The following CDH23 variants were observed in gnomAD, a reference collection of about 807,000 sequenced individuals.
The protein encoded by CDH23 is cadherin-23.
Under a neutral mutation model 317.1 loss-of-function variants are expected in CDH23, and 189 were observed. The observed-to-expected ratio is 0.60, with a 90% CI of 0.53 to 0.67. The LOEUF is 0.67. CDH23 is among the 30% of genes least tolerant of loss of function. The pLI is 0.00. For synonymous variants in CDH23, 1,839 were observed against 1,876.8 expected, an observed-to-expected ratio of 0.98 and a Z score of 0.52; for missense variants, 4,401 against 4,592.4, an observed-to-expected ratio of 0.96 and a Z score of 1.20.
chr10:71,518,244 C>G (rs942077466), intron 6 of CDH23, among the ~76,000 whole-genome samples: 10 of 152,182 alleles, frequency 6.6e-5, no homozygotes, highest in African/African-American at 2.4e-4. Flanking sequence ...TCCAAGTTCC[C>G]CAGAGTCAGA....
At chr10:71,564,723 C>T (rs1857305130) in intron 6 of CDH23, among the ~76,000 whole-genome samples, 1 of 152,208 alleles carries the variant, frequency 6.6e-6, no homozygotes, top group African/African-American at 2.4e-5. Flanking sequence ...AGTAGACTGG[C>T]CGAGTGCTCT....
intron 11 of CDH23, among the ~76,000 whole-genome samples, chr10:71,639,573 C>T (rs573549490): frequency 3.9e-5 from 6 of 152,278 alleles, no homozygotes; most frequent in East Asian, 3.9e-4. Context: ...GCTCTGACTC[C>T]GAGGCGGGGT....
rs560370619 is a variant in CDH23 at position 71,651,805 on chromosome 10, C to T, written c.1449+5188C>T. On this transcript the variant is annotated intron_variant, in intron 14 of 69. Transcript: ENST00000224721. ...GCCTGTTCCATCCTTGTGACGGTGG[C>T]AGGCGTTTGGGAAACAGTTGGCAGA... 7.9e-5 allele frequency among the ~76,000 whole-genome samples: 12 copies of T among 152,322 alleles called. No individual in the cohort carries two copies. The East Asian group carries it at 2.1e-3, about 27-fold the overall frequency.
chr10:71,799,468 C>G (rs773201785), intron 51 of CDH23, 24 bp from the exon 52 acceptor site: 3 of 1,613,840 alleles, frequency 1.9e-6, no homozygotes, highest in Non-Finnish European at 1.7e-6. Context: ...GGCCTACTCT[C>G]TCTCCCTGCC....
rs1299155176 is a variant in CDH23 at position 71,398,349 on chromosome 10, A to G, written c.-6+1031A>G. Among the ~76,000 whole-genome samples, 4 of 152,062 alleles carry G rather than the reference A, an allele frequency of 2.6e-5. No individual in the cohort carries two copies. In the East Asian group the frequency reaches 7.8e-4, roughly 30 times the overall value. On this transcript the variant is annotated intron_variant, in intron 1 of 69. Transcript: ENST00000224721. ...CCCTCTCAGACCAGAGCTGGCATTG[A>G]CATTGACCTCGCCTTCCAGCCCCTT... is the stretch of plus-strand genomic sequence containing the variant.
intron 1 of CDH23, among the ~76,000 whole-genome samples, chr10:71,436,184 C>A (rs1178659113): frequency 1.3e-5 from 2 of 152,218 alleles, no homozygotes; most frequent in Non-Finnish European, 2.9e-5. Flanking sequence ...TGGAGGCAGT[C>A]CCTGCCAATC....
intron 40 of CDH23, among the ~76,000 whole-genome samples, chr10:71,778,766 A>AT (rs917680379): frequency 6.6e-6 from 1 of 152,064 alleles, no homozygotes; most frequent in Non-Finnish European, 1.5e-5. Context: ...TACTATTATT[A>AT]TTTTTTTGAG....
intron 30 of CDH23, among the ~76,000 whole-genome samples, chr10:71,727,662 TACACAC>T (rs201847134): frequency 6.6e-6 from 1 of 151,090 alleles, no homozygotes; most frequent in Non-Finnish European, 1.5e-5. Context: ...TCACGACACA[TACACAC>T]ACACACACGC....
rs966816359 is a variant in CDH23, at chr10:71,408,186, TC to T, written c.-6+10869del. ...CTCACTCTTAACAATTTGACATCCA[TC>T]TTTTTTGGATTTGTACAAGTCAATT... On this transcript the variant is annotated intron_variant, in intron 1 of 69. Transcript: ENST00000224721. Among the ~76,000 whole-genome samples, 22 of 152,266 alleles carry T rather than the reference TC, an allele frequency of 1.4e-4. 1 individual carries two copies. The South Asian group carries it at 4.6e-3, about 32-fold the overall frequency.
chr10:71,613,698 A>C (rs1020519291), intron 9 of CDH23, among the ~76,000 whole-genome samples: 4 of 152,246 alleles, frequency 2.6e-5, no homozygotes, highest in African/African-American at 7.2e-5. Flanking sequence ...AGTTAATCCA[A>C]GAGAGGCTAT....
intron 6 of CDH23, among the ~76,000 whole-genome samples, chr10:71,520,731 C>G (rs1400913553): frequency 6.6e-6 from 1 of 152,228 alleles, no homozygotes; most frequent in African/African-American, 2.4e-5. Context: ...CACCAGCACA[C>G]TGCTATTGTT....
Position 71,712,676 on chromosome 10 carries a change from G to A in CDH23, c.3232G>A (p.Val1078Ile), listed in dbSNP as rs562859768. ...TTCAACTCCCACAGACAACGGCCCT[G>A]TAGGGAAGCGACACACGGGCACAGC... ...LILEAIDNGP[V>I]GKRHTGTATV... The change falls in exon 28 of 70, where the codon GTA becomes ATA. Residue 1078 changes from valine (V) to isoleucine (I), a missense_variant. Val to Ile is a conservative substitution (Grantham distance 29, BLOSUM62 3). Coordinates refer to ENST00000224721, the MANE Select transcript of CDH23 (RefSeq NM_022124.6). The A allele has an allele frequency of 2.0e-5, 32 of 1,613,528 alleles. No homozygotes were observed. Among genetic ancestry groups the A allele is most frequent in the Non-Finnish European group, 2.7e-5 (32 of 1,179,882 alleles).
intron 24 of CDH23, among the ~76,000 whole-genome samples, chr10:71,704,402 T>A (rs972849749): frequency 1.3e-5 from 2 of 152,130 alleles, no homozygotes; most frequent in Non-Finnish European, 2.9e-5. Flanking sequence ...TTTAAAAAAA[T>A]AATAATAATG....
chr10:71,538,188 C>A (rs574877179), intron 6 of CDH23, among the ~76,000 whole-genome samples: 21 of 152,286 alleles, frequency 1.4e-4, no homozygotes, highest in African/African-American at 5.1e-4. Flanking sequence ...AGAACAACTA[C>A]GAAAGTGATC....
intron 32 of CDH23, 48 bp downstream of exon 32, chr10:71,732,423 A>G (rs1839423252): frequency 3.2e-6 from 5 of 1,549,098 alleles, no homozygotes; most frequent in Non-Finnish European, 4.4e-6. Flanking sequence ...TCTAACCAAC[A>G]TTGGTTGAGC....
chr10:71,700,659 G>A (rs72817944), intron 22 of CDH23, among the ~76,000 whole-genome samples: 4,964 of 152,306 alleles, frequency 0.033, 111 homozygotes, highest in Non-Finnish European at 0.052. Flanking sequence ...TTGGTGCTGC[G>A]AGGCTGGGAA....
intron 19 of CDH23, 60 bp downstream of exon 19, chr10:71,687,779 A>G: frequency 6.6e-7 from 1 of 1,509,134 alleles, no homozygotes; most frequent in Non-Finnish European, 9.2e-7. Context: ...CAGTCACGGC[A>G]CCCAGGATGT....
chr10:71,810,481 G>T lies in CDH23; in HGVS notation c.8989G>T (p.Asp2997Tyr). 1 of 1,613,968 alleles carries T rather than the reference G, an allele frequency of 6.2e-7. No homozygotes were observed. Among genetic ancestry groups the T allele is most frequent in the South Asian group, 1.1e-5 (1 of 91,074 alleles). Reference protein sequence around the residue: ...VNTDNVQFHVDKKGRVNFAQT... With the variant: ...VNTDNVQFHVYKKGRVNFAQT... ...ACCCCTTCTCATCTAGTTCCATGTG[G>T]ACAAGAAGGGCCGGGTGAACTTTGC... Residue 2997 changes from aspartate to tyrosine, a missense_variant, in exon 62 of 70, where the codon GAC (aspartate) becomes TAC (tyrosine). Transcript: ENST00000224721.
intron 3 of CDH23, among the ~76,000 whole-genome samples, chr10:71,495,561 G>A (rs1001950444): frequency 2.6e-5 from 4 of 152,008 alleles, no homozygotes; most frequent in Non-Finnish European, 4.4e-5. Context: ...AGCCGGGCAC[G>A]GTGGCTCACG....
Sources: gnomAD v4.1 joint callset for allele counts (sites outside exome capture counted in the v4.1 genomes callset) on GRCh38, gnomAD v4.1.1 for gene constraint, MANE v1.5 for transcripts, NCBI Gene and HGNC (gene_info 2026-07-23, HGNC 2026-07-21) for gene names.